The following CNTNAP3B variants were observed in gnomAD, a reference collection of about 807,000 sequenced individuals.
The protein encoded by CNTNAP3B is contactin-associated protein-like 3B.
Under a neutral mutation model 108.9 loss-of-function variants are expected in CNTNAP3B, and 25 were observed. The ratio of observed to expected loss-of-function variants is 0.23; its 90% CI spans 0.17 to 0.32. The LOEUF (loss-of-function observed/expected upper bound fraction) is 0.32. Ranked by LOEUF, CNTNAP3B falls within the 10% of genes least tolerant of loss-of-function variation. The probability of loss-of-function intolerance (pLI) is 1.00; values close to 1 mark genes in which losing one functional copy is unlikely to be tolerated. For missense variants in CNTNAP3B, 252 were observed against 1,210.4 expected, an observed-to-expected ratio of 0.21 and a Z score of 11.75; for synonymous variants, 103 against 473.4, an observed-to-expected ratio of 0.22 and a Z score of 10.16.
At chr9:41,917,311 C>A (rs1265083086) in intron 18 of CNTNAP3B, among the ~76,000 whole-genome samples, 1 of 142,530 alleles carries the variant, frequency 7.0e-6, no homozygotes, top group East Asian at 2.0e-4. Context: ...GTTAAACTTC[C>A]CTGGCTTAAC....
chr9:41,960,047 G>C (rs1825022916), intron 12 of CNTNAP3B: 1 of 153,296 alleles, frequency 6.5e-6, no homozygotes, highest in African/African-American at 2.4e-5. Context: ...CGCCAGGCTG[G>C]AGTGCAATGG....
chr9:42,064,130 A>AT (rs1163314049), intron 3 of CNTNAP3B, among the ~76,000 whole-genome samples: 1 of 145,182 alleles, frequency 6.9e-6, no homozygotes, highest in East Asian at 2.0e-4. Flanking sequence ...TAATTCATGC[A>AT]TTTCTCAGCT....
intron 15 of CNTNAP3B, among the ~76,000 whole-genome samples, chr9:41,925,242 G>T (rs1479418222): frequency 6.7e-6 from 1 of 148,982 alleles, no homozygotes; most frequent in Non-Finnish European, 1.5e-5. Context: ...TGCCAATAGT[G>T]ATTTTCTAAG....
At chr9:41,956,153 G>A (rs1217682674) in intron 12 of CNTNAP3B, among the ~76,000 whole-genome samples, 7 of 152,342 alleles carry the variant, frequency 4.6e-5, no homozygotes, top group South Asian at 2.1e-4. Context: ...TTGGGAGGCC[G>A]AGGCAGGCGG....
intron 13 of CNTNAP3B, among the ~76,000 whole-genome samples, chr9:41,940,110 C>G (rs1450685486): frequency 6.6e-6 from 1 of 152,284 alleles, no homozygotes; most frequent in Non-Finnish European, 1.5e-5. Flanking sequence ...ATAAAAAGAA[C>G]TGAGCCATAG....
intron 1 of CNTNAP3B, among the ~76,000 whole-genome samples, chr9:42,121,152 A>C (rs1456829139): frequency 7.3e-6 from 1 of 137,748 alleles, no homozygotes; most frequent in Admixed American, 7.2e-5. Flanking sequence ...GGATAAATGC[A>C]TTCCCCCTGC....
At chr9:41,939,269 T>G (rs1258097014) in intron 13 of CNTNAP3B, among the ~76,000 whole-genome samples, 1 of 152,300 alleles carries the variant, frequency 6.6e-6, no homozygotes, top group African/African-American at 2.4e-5. Context: ...CATCACAGAT[T>G]AGGCCATGAG....
intron 9 of CNTNAP3B, among the ~76,000 whole-genome samples, chr9:41,976,967 C>A (rs1437147460): frequency 1.4e-5 from 2 of 142,594 alleles, no homozygotes; most frequent in African/African-American, 2.7e-5. Context: ...TTTTATAAAG[C>A]AAATCTAAAA....
At chr9:41,922,374 G>A (rs1035496941) in intron 17 of CNTNAP3B, among the ~76,000 whole-genome samples, 6 of 139,088 alleles carry the variant, frequency 4.3e-5, no homozygotes, top group Non-Finnish European at 7.8e-5. Context: ...GCTGAGGCAG[G>A]AGAATCGCTT....
chr9:41,942,415 C>A (rs929760541), intron 13 of CNTNAP3B, among the ~76,000 whole-genome samples: 6 of 152,140 alleles, frequency 3.9e-5, no homozygotes, highest in Admixed American at 2.0e-4. Flanking sequence ...TCCAGACCAT[C>A]CTGGCTAACA....
At chr9:41,942,468 G>A (rs1226481829) in intron 13 of CNTNAP3B, among the ~76,000 whole-genome samples, 166 of 151,716 alleles carry the variant, frequency 1.1e-3, no homozygotes, top group African/African-American at 3.8e-3. Flanking sequence ...AAAATTAGCC[G>A]GGCGTGGTGG....
Position 41,932,922 on chromosome 9 carries a change from A to C in CNTNAP3B, c.2238-3478T>G, listed in dbSNP as rs1824025854. ...TTTCTAGATTCTCAGTTTCTGTTTA[A>C]TTGCCTATCTTCTGGCCAGTTCAAC... On this transcript the variant is annotated intron_variant, in intron 14 of 23. Coordinates refer to ENST00000377561, the MANE Select transcript of CNTNAP3B (RefSeq NM_001201380.3). Among the ~76,000 whole-genome samples, 3 of 152,416 alleles carry C rather than the reference A, an allele frequency of 2.0e-5. No individual in the cohort carries two copies. In the South Asian group the frequency reaches 6.2e-4, roughly 32 times the overall value.
Position 42,129,221 on chromosome 9 carries a change from A to T in CNTNAP3B, c.-127T>A. The stretch of plus-strand genomic sequence containing the variant: ...CGACGCTGCTCTGTCTCCCCTGTCC[A>T]GTCTCTAGCTCTCTTCCTCACGCAC... On this transcript the variant is annotated 5_prime_UTR_variant, in exon 1 of 24. Coordinates refer to ENST00000377561, the MANE Select transcript of CNTNAP3B (RefSeq NM_001201380.3). 7.3e-7 allele frequency: 1 copy of T among 1,366,916 alleles called. No homozygotes were observed. The highest frequency in any genetic ancestry group is 9.7e-7 in the Non-Finnish European group (1 of 1,027,380). The allele number at this position is 1,366,916 out of a possible 1,614,324, so 84.7% of individuals were successfully genotyped here. A position where few individuals can be genotyped will look rare whatever the true frequency, so the allele number is the denominator to read the frequency against.
intron 17 of CNTNAP3B, among the ~76,000 whole-genome samples, chr9:41,921,338 G>A (rs1823662244): frequency 6.6e-6 from 1 of 152,222 alleles, no homozygotes; most frequent in Non-Finnish European, 1.5e-5. Context: ...CTTTGAAAAA[G>A]CCTCACTGCA....
At chr9:42,098,994 T>C (rs1587271237) in intron 2 of CNTNAP3B, among the ~76,000 whole-genome samples, 1 of 137,354 alleles carries the variant, frequency 7.3e-6, no homozygotes, top group East Asian at 2.3e-4. Flanking sequence ...GGCTAGGTTG[T>C]GTGCAGCACA....
At chr9:41,937,367 T>C (rs1432794347) in intron 14 of CNTNAP3B, among the ~76,000 whole-genome samples, 1 of 151,864 alleles carries the variant, frequency 6.6e-6, no homozygotes, top group African/African-American at 2.4e-5. Flanking sequence ...CCTCAGGTGA[T>C]CCACCTGCCT....
chr9:41,935,173 T>A (rs1161935703), intron 14 of CNTNAP3B, among the ~76,000 whole-genome samples: 4 of 152,308 alleles, frequency 2.6e-5, no homozygotes, highest in African/African-American at 9.6e-5. Context: ...AATAAATCTT[T>A]GGCATGTTAT....
In CNTNAP3B at chr9:42,068,053, G is replaced by C. The variant is rs1487315432; in HGVS notation, c.390+8816C>G. On this transcript the variant is annotated intron_variant, in intron 3 of 23. Transcript: ENST00000377561. ...CAGTATCTGGGATAGCAGTAAAACA[G>C]AGGATACTGCTTGAAACAAAACTGC... Among the ~76,000 whole-genome samples, 6 of 137,858 alleles carry C rather than the reference G, an allele frequency of 4.4e-5. 2 individuals carry two copies. The highest frequency in any genetic ancestry group is 9.3e-5 in the Non-Finnish European group (6 of 64,642). 90.4% of individuals were successfully genotyped at this position (137,858 alleles called of 152,430 possible). A position where few individuals can be genotyped will look rare whatever the true frequency, so the allele number is the denominator to read the frequency against.
intron 12 of CNTNAP3B, among the ~76,000 whole-genome samples, chr9:41,954,643 T>C (rs373001487): frequency 7.3e-3 from 1,109 of 152,086 alleles, no homozygotes; most frequent in Non-Finnish European, 0.012. Context: ...CATGGGTTCT[T>C]CCTTTAATAT....
Sources: gnomAD v4.1 joint callset for allele counts (sites outside exome capture counted in the v4.1 genomes callset) on GRCh38, gnomAD v4.1.1 for gene constraint, MANE v1.5 for transcripts, NCBI Gene and HGNC (gene_info 2026-07-23, HGNC 2026-07-21) for gene names.